Variants in CACNA2D3 observed in about 807,000 individuals in gnomAD.
CACNA2D3 encodes calcium voltage-gated channel auxiliary subunit alpha2delta 3.
CACNA2D3 carries 60 observed loss-of-function variants against 160.6 expected under a neutral mutation model. The observed-to-expected ratio is 0.37, with a 90% confidence interval of 0.30 to 0.46. The LOEUF (loss-of-function observed/expected upper bound fraction) is 0.46, where lower values mean the gene tolerates loss of function less well. Ranked by LOEUF, CACNA2D3 falls within the 20% of genes least tolerant of loss-of-function variation. The pLI is 1.00. For missense variants in CACNA2D3, 1,205 were observed against 1,365.0 expected, an observed-to-expected ratio of 0.88 and a Z score of 1.85; for synonymous variants, 558 against 492.9, an observed-to-expected ratio of 1.13 and a Z score of -1.75.
At chr3:54,242,232 C>A (rs1701986841) in intron 2 of CACNA2D3, among the ~76,000 whole-genome samples, 1 of 151,816 alleles carries the variant, frequency 6.6e-6, no homozygotes, top group Admixed American at 6.6e-5. Flanking sequence ...ACCAGCCTGG[C>A]CAACATGGTG....
At chr3:54,891,180 C>CGT (rs3836392) in intron 24 of CACNA2D3, among the ~76,000 whole-genome samples, 175 bp from the exon 25 acceptor site, 15,238 of 141,720 alleles carry the variant, frequency 0.11, 787 homozygotes, top group East Asian at 0.19. Flanking sequence ...AATCTGTGCT[C>CGT]GTGTGTGTGT....
chr3:54,232,548 T>G (rs1286203840), intron 2 of CACNA2D3, among the ~76,000 whole-genome samples: 1 of 152,114 alleles, frequency 6.6e-6, no homozygotes. Context: ...CATGAGGGTT[T>G]TTGTTTCCTT....
At chr3:54,401,744 A>T (rs1204154466) in intron 4 of CACNA2D3, among the ~76,000 whole-genome samples, 2 of 152,202 alleles carry the variant, frequency 1.3e-5, no homozygotes, top group Non-Finnish European at 2.9e-5. Context: ...TCTTAGAAGA[A>T]ATACTTAAGA....
chr3:54,432,730 C>A (rs9822780), intron 4 of CACNA2D3, among the ~76,000 whole-genome samples: 3,377 of 151,876 alleles, frequency 0.022, 57 homozygotes, highest in South Asian at 0.057. Context: ...TTTCTAAATC[C>A]CTGCAGGCAT....
intron 11 of CACNA2D3, among the ~76,000 whole-genome samples, chr3:54,695,394 CT>C (rs540931864): frequency 1.1e-3 from 152 of 143,200 alleles, no homozygotes; most frequent in Middle Eastern, 3.6e-3. Flanking sequence ...TTTCTTGTTG[CT>C]TTTTTTTTTT....
At chr3:54,352,313 C>T (rs181577812) in intron 3 of CACNA2D3, among the ~76,000 whole-genome samples, 2 of 152,216 alleles carry the variant, frequency 1.3e-5, no homozygotes, top group Admixed American at 6.5e-5. Flanking sequence ...AGGATAGAGT[C>T]CTAGGGTACT....
At chr3:54,215,217 A>G (rs1701439381) in intron 2 of CACNA2D3, among the ~76,000 whole-genome samples, 1 of 152,224 alleles carries the variant, frequency 6.6e-6, no homozygotes, top group African/African-American at 2.4e-5. Flanking sequence ...ATAATTTACA[A>G]AATTGTATAT....
At chr3:54,566,264 A>G (rs1361856248) in intron 6 of CACNA2D3, among the ~76,000 whole-genome samples, 2 of 152,112 alleles carry the variant, frequency 1.3e-5, no homozygotes, top group Non-Finnish European at 2.9e-5. Context: ...CCCACTGCCC[A>G]CCATGTCCTG....
intron 13 of CACNA2D3, among the ~76,000 whole-genome samples, chr3:54,811,155 C>G (rs374743030): frequency 1.3e-5 from 2 of 152,192 alleles, no homozygotes. Flanking sequence ...GCTGCCTACC[C>G]TACACCTCTG....
chr3:54,293,348 C>G (rs1328936147), intron 2 of CACNA2D3, among the ~76,000 whole-genome samples: 4 of 152,092 alleles, frequency 2.6e-5, no homozygotes, highest in African/African-American at 9.7e-5. Flanking sequence ...TATCCCTCAC[C>G]CACCTTACAA....
At chr3:54,200,423 C>T (rs2107348465) in intron 2 of CACNA2D3, among the ~76,000 whole-genome samples, 1 of 152,286 alleles carries the variant, frequency 6.6e-6, no homozygotes, top group South Asian at 2.1e-4. Context: ...TCTGTTGCCC[C>T]AGCCCCTTAA....
chr3:54,208,839 T>C lies in CACNA2D3; in HGVS notation c.204+85245T>C, dbSNP rs747788486. On this transcript the variant is annotated intron_variant, in intron 2 of 37. Coordinates refer to ENST00000474759, the MANE Select transcript of CACNA2D3 (RefSeq NM_018398.3). Reference sequence around the variant, plus strand: ...TTCATGCTGCTGATAAATACATACATGAGACTGGGCAGTTTATAAAGAAAA... The same window carrying C: ...TTCATGCTGCTGATAAATACATACACGAGACTGGGCAGTTTATAAAGAAAA... Among the ~76,000 whole-genome samples the C allele has an allele frequency of 4.6e-5, 7 of 152,240 alleles. No individual in the cohort carries two copies. The East Asian group carries it at 9.6e-4, about 21-fold the overall frequency.
At chr3:54,736,188 C>G (rs1355882388) in intron 11 of CACNA2D3, among the ~76,000 whole-genome samples, 1 of 146,698 alleles carries the variant, frequency 6.8e-6, no homozygotes, top group East Asian at 2.0e-4. Context: ...TGGGATCAGA[C>G]TGTATATGGG....
intron 3 of CACNA2D3, among the ~76,000 whole-genome samples, chr3:54,324,284 T>G (rs1704074749): frequency 1.3e-5 from 2 of 152,314 alleles, no homozygotes; most frequent in South Asian, 4.1e-4. Context: ...CCTCATCTCC[T>G]ATTTGAATTA....
At chr3:54,273,152 C>T (rs1302859167) in intron 2 of CACNA2D3, 1 of 152,242 alleles carries the variant, frequency 6.6e-6, no homozygotes, top group Admixed American at 6.5e-5. Flanking sequence ...ACGTGCCTGG[C>T]ACAAGGATAT....
intron 14 of CACNA2D3, among the ~76,000 whole-genome samples, chr3:54,836,232 TTTTTTTTTTG>T (rs1369029988): frequency 2.7e-5 from 4 of 146,516 alleles, no homozygotes; most frequent in African/African-American, 1.0e-4. Context: ...TTTTCTTTTT[TTTTTTTTTTG>T]TTTTTGTTTT....
intron 27 of CACNA2D3, among the ~76,000 whole-genome samples, chr3:54,906,395 T>C (rs771152982): frequency 6.6e-6 from 1 of 152,134 alleles, no homozygotes; most frequent in Non-Finnish European, 1.5e-5. Context: ...GCAATGCCTT[T>C]CCAGGTTGGG....
At chr3:54,554,694 T>C (rs180676745) in intron 5 of CACNA2D3, among the ~76,000 whole-genome samples, 361 of 152,180 alleles carry the variant, frequency 2.4e-3, no homozygotes, top group African/African-American at 8.4e-3. Flanking sequence ...TCCAAGGCCA[T>C]CAGCTAACCA....
chr3:54,936,188 A>G (rs1243525007), intron 27 of CACNA2D3, among the ~76,000 whole-genome samples: 3 of 152,200 alleles, frequency 2.0e-5, no homozygotes, highest in Non-Finnish European at 2.9e-5. Flanking sequence ...TCTTTTGCAC[A>G]TAGTAATATA....
Sources: allele counts gnomAD v4.1 joint callset (sites outside exome capture counted in the v4.1 genomes callset), GRCh38; gene constraint gnomAD v4.1.1; transcripts MANE v1.5; gene names NCBI Gene and HGNC (gene_info 2026-07-23, HGNC 2026-07-21).